NALF1: variants seen among roughly 807,000 people sequenced by gnomAD.
NALF1 encodes family with sequence similarity 155 member A.
A neutral mutation model predicts 48.4 loss-of-function variants in NALF1; 3 were observed. The observed-to-expected ratio is 0.06, with a 90% CI of 0.03 to 0.16. NALF1 has a LOEUF of 0.16. Ranked by LOEUF, NALF1 falls within the 10% of genes least tolerant of loss-of-function variation. The pLI, the probability that NALF1 is intolerant of heterozygous loss-of-function variation, is 1.00. For synonymous variants in NALF1, 262 were observed against 245.7 expected, an observed-to-expected ratio of 1.07 and a Z score of -0.62; for missense variants, 526 against 571.5, an observed-to-expected ratio of 0.92 and a Z score of 0.81.
chr13:107,748,347 T>C (rs1876840597), intron 1 of NALF1, among the ~76,000 whole-genome samples: 1 of 152,232 alleles, frequency 6.6e-6, no homozygotes. Context: ...AGCAAATTGT[T>C]GCTTTGCAGT....
chr13:107,282,657 G>A (rs1310790858), intron 1 of NALF1, among the ~76,000 whole-genome samples: 3 of 152,106 alleles, frequency 2.0e-5, no homozygotes, highest in South Asian at 2.1e-4. Flanking sequence ...AGGACCTTCC[G>A]GCCAACTTTT....
Position 107,644,236 on chromosome 13 carries a change from T to C in NALF1, c.915+221446A>G, listed in dbSNP as rs3905072. On this transcript the variant is annotated intron_variant, in intron 1 of 2. Coordinates refer to ENST00000375915, the MANE Select transcript of NALF1 (RefSeq NM_001080396.3). ...ACAGAACGCCAAGGTGAATTTTTAA[T>C]GATAGGTTTACACAGTTGTGTGATA... Among the ~76,000 whole-genome samples the C allele has an allele frequency of 3.2e-3, 482 of 152,182 alleles. 10 individuals carry two copies. The highest frequency in any genetic ancestry group is 0.024 in the East Asian group (122 of 5,156).
intron 1 of NALF1, among the ~76,000 whole-genome samples, chr13:107,849,637 G>C (rs1880261021): frequency 6.6e-6 from 1 of 152,124 alleles, no homozygotes; most frequent in Non-Finnish European, 1.5e-5. Context: ...CCAGTAAACA[G>C]CATGAAAACT....
intron 1 of NALF1, among the ~76,000 whole-genome samples, chr13:107,252,193 G>C (rs530323283): frequency 6.6e-6 from 1 of 152,294 alleles, no homozygotes; most frequent in South Asian, 2.1e-4. Context: ...CACGTGGTGT[G>C]ATTGCTGGAA....
intron 1 of NALF1, among the ~76,000 whole-genome samples, chr13:107,479,732 C>T (rs954560211): frequency 6.6e-6 from 1 of 152,094 alleles, no homozygotes; most frequent in Non-Finnish European, 1.5e-5. Context: ...TATTATGCTC[C>T]TATAGTTTTA....
chr13:107,183,394 G>A (rs1327063912), intron 2 of NALF1, among the ~76,000 whole-genome samples: 1 of 152,160 alleles, frequency 6.6e-6, no homozygotes, highest in Non-Finnish European at 1.5e-5. Context: ...TACTGTTGGC[G>A]GGAATGTAAA....
intron 1 of NALF1, among the ~76,000 whole-genome samples, chr13:107,776,996 G>A (rs9520580): frequency 1.1e-4 from 16 of 152,016 alleles, no homozygotes; most frequent in Admixed American, 9.8e-4. Flanking sequence ...GGAGACTGAG[G>A]GGGGGAAGAT....
chr13:107,375,605 T>C (rs1344466114), intron 1 of NALF1, among the ~76,000 whole-genome samples: 1 of 152,072 alleles, frequency 6.6e-6, no homozygotes, highest in African/African-American at 2.4e-5. Context: ...AATAGGTATA[T>C]AAGGAAATTG....
At chr13:107,630,337 G>A (rs78139779) in intron 1 of NALF1, among the ~76,000 whole-genome samples, 198 of 151,918 alleles carry the variant, frequency 1.3e-3, no homozygotes, top group African/African-American at 4.4e-3. Context: ...AACACCATGG[G>A]GTCTGTGACT....
chr13:107,326,092 ATT>A (rs879602811), intron 1 of NALF1, among the ~76,000 whole-genome samples: 3 of 150,662 alleles, frequency 2.0e-5, no homozygotes, highest in South Asian at 2.1e-4. Flanking sequence ...TTTCCAAACA[ATT>A]TTTTTAAAAA....
intron 1 of NALF1, among the ~76,000 whole-genome samples, chr13:107,606,967 G>A (rs989749233): frequency 2.0e-5 from 3 of 152,108 alleles, no homozygotes; most frequent in Admixed American, 1.3e-4. Flanking sequence ...TCTGCTCTAG[G>A]CTGCTTATAA....
intron 2 of NALF1, among the ~76,000 whole-genome samples, chr13:107,209,950 T>G (rs1185235191): frequency 6.6e-6 from 1 of 152,210 alleles, no homozygotes; most frequent in African/African-American, 2.4e-5. Context: ...GTCTAAATTA[T>G]GTAATGCTTA....
chr13:107,613,436 G>A (rs557481577), intron 1 of NALF1, among the ~76,000 whole-genome samples: 2 of 152,330 alleles, frequency 1.3e-5, no homozygotes, highest in East Asian at 3.9e-4. Flanking sequence ...GTGGTCAACA[G>A]TGGGATATTC....
At chr13:107,733,846 T>C (rs942466334) in intron 1 of NALF1, among the ~76,000 whole-genome samples, 10 of 152,248 alleles carry the variant, frequency 6.6e-5, no homozygotes, top group Middle Eastern at 3.4e-3. Context: ...ACAGAAGAGA[T>C]ACTCATGCAT....
intron 1 of NALF1, among the ~76,000 whole-genome samples, chr13:107,468,035 G>C (rs1024209470): frequency 2.6e-4 from 36 of 140,696 alleles, no homozygotes; most frequent in Non-Finnish European, 1.2e-4. Context: ...GCGACAGAGC[G>C]AGACTCCGTC....
intron 1 of NALF1, among the ~76,000 whole-genome samples, chr13:107,593,440 A>G (rs187395685): frequency 5.8e-4 from 88 of 152,120 alleles, no homozygotes; most frequent in Non-Finnish European, 1.0e-3. Flanking sequence ...TAAATTTTAC[A>G]TGGTACTAGG....
chr13:107,551,612 G>A (rs985421439), intron 1 of NALF1, among the ~76,000 whole-genome samples: 28 of 151,964 alleles, frequency 1.8e-4, no homozygotes, highest in African/African-American at 5.6e-4. Context: ...CAAGATTGAC[G>A]GTTGGGAAGC....
Position 107,169,906 on chromosome 13 carries a change from GTGT to G in NALF1, c.*588_*590del, listed in dbSNP as rs1319903619. 9 of 152,880 alleles carry G rather than the reference GTGT, an allele frequency of 5.9e-5. No homozygotes were observed. The highest frequency in any genetic ancestry group is 1.3e-4 in the Non-Finnish European group (9 of 68,122). The allele number at this position is 152,880 out of a possible 1,614,324, so 9.5% of individuals were successfully genotyped here. On this transcript the variant is annotated 3_prime_UTR_variant, in exon 3 of 3. Coordinates refer to ENST00000375915, the MANE Select transcript of NALF1 (RefSeq NM_001080396.3). ...CGAGGGAAAGGAAAGGCCGGGAAGG[GTGT>G]TGTTGGTTCTGTGGGTAGAAGGGAG... is the stretch of plus-strand genomic sequence containing the variant.
intron 1 of NALF1, among the ~76,000 whole-genome samples, chr13:107,241,990 CT>C (rs1303649090): frequency 1.3e-5 from 2 of 152,100 alleles, no homozygotes; most frequent in African/African-American, 4.8e-5. Context: ...CCTGCTGACT[CT>C]AGATGATATT....
Sources: allele counts gnomAD v4.1 joint callset (sites outside exome capture counted in the v4.1 genomes callset), GRCh38; gene constraint gnomAD v4.1.1; transcripts MANE v1.5; gene names NCBI Gene and HGNC (gene_info 2026-07-23, HGNC 2026-07-21).